ABCC9: variants seen among roughly 807,000 people sequenced by gnomAD.
ABCC9 encodes the protein ATP-binding cassette sub-family C member 9.
Under a neutral mutation model 188.3 loss-of-function variants are expected in ABCC9, and 95 were observed. The observed-to-expected ratio is 0.50, with a 90% CI of 0.43 to 0.60. ABCC9 has a LOEUF of 0.60. Among genes scored for constraint, ABCC9 ranks in the 20% least tolerant of loss-of-function variants. The probability of loss-of-function intolerance (pLI) is 0.00; values close to 1 mark genes in which losing one functional copy is unlikely to be tolerated. For missense variants in ABCC9, 1,102 were observed against 1,876.3 expected (o/e 0.59, Z 7.62); for synonymous variants, 659 against 652.7 (o/e 1.01, Z -0.15).
At chr12:21,813,764 C>A (rs1406513405) in intron 35 of ABCC9, among the ~76,000 whole-genome samples, 1 of 152,150 alleles carries the variant, frequency 6.6e-6, no homozygotes, top group African/African-American at 2.4e-5. Flanking sequence ...CCCAAAAAAA[C>A]TATATTTACT....
intron 5 of ABCC9, 23 bp from the exon 6 acceptor site, chr12:21,917,126 A>T (rs1948629864): frequency 6.2e-7 from 1 of 1,611,302 alleles, no homozygotes. Flanking sequence ...AGACAAAAAG[A>T]GAAAGATGCA....
At chr12:21,917,130 A>C (rs529652907) in intron 5 of ABCC9, 27 bp from the exon 6 acceptor site, 78 of 1,610,008 alleles carry the variant, frequency 4.8e-5, no homozygotes, top group Non-Finnish European at 6.2e-5. Context: ...AAAAAGAGAA[A>C]GATGCAATCT....
intron 39 of ABCC9, chr12:21,805,056 T>G: frequency 6.9e-7 from 1 of 1,451,380 alleles, no homozygotes; most frequent in Non-Finnish European, 9.6e-7. Flanking sequence ...CACCCTGCAG[T>G]TAGTTCCCTC....
intron 6 of ABCC9, among the ~76,000 whole-genome samples, chr12:21,916,686 CATA>C (rs1462915909): frequency 6.6e-6 from 1 of 152,110 alleles, no homozygotes; most frequent in Non-Finnish European, 1.5e-5. Context: ...ATAAACTGAG[CATA>C]ATATCTGACA....
At chr12:21,809,428 A>G (rs1206984752) in intron 37 of ABCC9, among the ~76,000 whole-genome samples, 2 of 152,212 alleles carry the variant, frequency 1.3e-5, no homozygotes, top group Admixed American at 6.5e-5. Flanking sequence ...GAAAATGGCT[A>G]CTAATGGGGC....
chr12:21,927,004 A>T (rs1198730335), intron 4 of ABCC9, among the ~76,000 whole-genome samples: 2 of 152,182 alleles, frequency 1.3e-5, no homozygotes, highest in African/African-American at 4.8e-5. Flanking sequence ...AGATTGGGGG[A>T]TAGGAGAACA....
rs766870789 is a variant in ABCC9, at chr12:21,895,275, A to AG, written c.1658dup (p.Thr554TyrfsTer54). 1 of 1,613,204 alleles carries AG rather than the reference A, an allele frequency of 6.2e-7. No individual in the cohort carries two copies. The highest frequency in any genetic ancestry group is 1.1e-5 in the South Asian group (1 of 91,056). On this transcript the variant is annotated frameshift_variant and splice_region_variant, in exon 13 of 40. Coordinates refer to ENST00000261200, the MANE Select transcript of ABCC9 (RefSeq NM_020297.4). LOFTEE classifies it high-confidence loss of function. The stretch of plus-strand genomic sequence containing the variant: ...CTAAAAGAGAGAAAAAGTGTCTTAC[A>AG]GCAAGAACAGCTGCTATGGGAATTG...
chr12:21,939,756 T>G (rs898692032), intron 2 of ABCC9, among the ~76,000 whole-genome samples: 4 of 152,220 alleles, frequency 2.6e-5, no homozygotes, highest in Middle Eastern at 3.2e-3. Flanking sequence ...GTTGGAGAAC[T>G]TGACTGAATA....
chr12:21,818,000 T>TGCCA, intron 32 of ABCC9, 150 bp downstream of exon 32: 1 of 672,006 alleles, frequency 1.5e-6, no homozygotes, highest in Non-Finnish European at 2.7e-6. Context: ...CCCTCTAAGT[T>TGCCA]CCCTCCCCTC....
intron 31 of ABCC9, among the ~76,000 whole-genome samples, chr12:21,823,819 G>C (rs1943193462): frequency 6.6e-6 from 1 of 152,240 alleles, no homozygotes; most frequent in Non-Finnish European, 1.5e-5. Context: ...CTCAACCGCG[G>C]CCGGCTTCAC....
At chr12:21,801,554 G>T (rs982461925) in intron 39 of ABCC9, among the ~76,000 whole-genome samples, 1 of 152,158 alleles carries the variant, frequency 6.6e-6, no homozygotes, top group Non-Finnish European at 1.5e-5. Flanking sequence ...ATTATCTCTT[G>T]TGTACAGTCA....
At position 21,928,728 on chromosome 12, in the gene ABCC9, T is replaced by G. The variant is rs1363258810; in HGVS notation, c.285-2665A>C. Among the ~76,000 whole-genome samples the G allele has an allele frequency of 2.6e-5, 4 of 151,976 alleles. No homozygotes were observed. In the East Asian group the frequency reaches 7.7e-4, roughly 29 times the overall value. ...AAAGATAATAGCAGCTACAATTAAG[T>G]TTTGTACTTATGGTGGCACTCCTTT... On this transcript the variant is annotated intron_variant, in intron 4 of 39. Transcript: ENST00000261200.
chr12:21,797,723 T>G lies in ABCC9; in HGVS notation c.*3321A>C, dbSNP rs1017180330. The G allele has an allele frequency of 6.6e-6, 1 of 152,176 alleles. No individual in the cohort carries two copies. Among genetic ancestry groups the G allele is most frequent in the African/African-American group, 2.4e-5 (1 of 41,440 alleles). The allele number at this position is 152,176 out of a possible 1,614,324, so 9.4% of individuals were successfully genotyped here. ...ATCTAATCTAGAGCTGAGTAGACTT[T>G]TAAATGGATCATGAGTAAGAGTACA... is the stretch of plus-strand genomic sequence containing the variant. On this transcript the variant is annotated 3_prime_UTR_variant, in exon 40 of 40. Coordinates refer to ENST00000261200, the MANE Select transcript of ABCC9 (RefSeq NM_020297.4).
chr12:21,802,558 A>G (rs771131939), intron 39 of ABCC9, among the ~76,000 whole-genome samples: 3 of 152,238 alleles, frequency 2.0e-5, no homozygotes, highest in South Asian at 2.1e-4. Flanking sequence ...ACATGCTTCT[A>G]TTAGTATTAA....
intron 24 of ABCC9, among the ~76,000 whole-genome samples, chr12:21,849,424 G>A (rs1040936905): frequency 3.9e-5 from 6 of 152,132 alleles, no homozygotes; most frequent in African/African-American, 1.4e-4. Flanking sequence ...TTTGCATAAC[G>A]ATATGAAGAC....
At chr12:21,900,369 G>T (rs1384108128) in intron 12 of ABCC9, among the ~76,000 whole-genome samples, 1 of 152,158 alleles carries the variant, frequency 6.6e-6, no homozygotes, top group Non-Finnish European at 1.5e-5. Context: ...AAAAAACAGA[G>T]CAGAAAAACT....
rs745739350 is a variant in ABCC9 at position 21,848,131 on chromosome 12, T to TA, written c.2866+18dup. ...TGTTATCCCATTAGAATGTTCCAGA[T>TA]AAAAGAAAAAAGATCTACCTTCGTC... On this transcript the variant is annotated intron_variant, in intron 25 of 39. Coordinates refer to ENST00000261200, the MANE Select transcript of ABCC9 (RefSeq NM_020297.4). 1 of 1,607,630 alleles carries TA rather than the reference T, an allele frequency of 6.2e-7. No homozygotes were observed. Among genetic ancestry groups the TA allele is most frequent in the East Asian group, 2.2e-5 (1 of 44,822 alleles).
At chr12:21,862,859 G>C in intron 20 of ABCC9, 94 bp downstream of exon 20, 2 of 821,930 alleles carry the variant, frequency 2.4e-6, no homozygotes, top group Non-Finnish European at 4.2e-6. Context: ...GAAAATACCA[G>C]ATGTAAAGGT....
At position 21,872,687 on chromosome 12, in the gene ABCC9, G is replaced by C; in HGVS notation, c.2136C>G (p.Ser712=). 3 of 1,613,746 alleles carry C rather than the reference G, an allele frequency of 1.9e-6. No individual in the cohort carries two copies. Among genetic ancestry groups the C allele is most frequent in the African/African-American group, 2.7e-5 (2 of 75,002 alleles). Residue 712 remains serine, a synonymous_variant, in exon 18 of 40, where the codon TCC becomes TCG. Coordinates refer to ENST00000261200, the MANE Select transcript of ABCC9 (RefSeq NM_020297.4). The stretch of plus-strand genomic sequence containing the variant: ...CACCGAGGATGGCAAGGAGAAGAGA[G>C]GACTTCCCACATCCTACTTGGCCCA... The part of the protein sequence containing the change: ...MIVGQVGCGK[S]SLLLAILGEM...
Sources: gnomAD v4.1 joint callset for allele counts (sites outside exome capture counted in the v4.1 genomes callset) on GRCh38, gnomAD v4.1.1 for gene constraint, MANE v1.5 for transcripts, NCBI Gene and HGNC (gene_info 2026-07-23, HGNC 2026-07-21) for gene names.